The following PSD2 variants were observed in gnomAD, a reference collection of about 807,000 sequenced individuals.
PSD2 encodes the protein pleckstrin and Sec7 domain containing 2, also known as PH and SEC7 domain-containing protein 2.
A neutral mutation model predicts 69.8 loss-of-function variants in PSD2; 38 were observed. The observed-to-expected ratio is 0.54, with a 90% CI of 0.42 to 0.71. The LOEUF (loss-of-function observed/expected upper bound fraction) is 0.71, where lower values mean the gene tolerates loss of function less well. Among genes scored for constraint, PSD2 ranks in the 30% least tolerant of loss-of-function variants. The pLI, the probability that PSD2 is intolerant of heterozygous loss-of-function variation, is 0.00. For missense variants in PSD2, 943 were observed against 1,014.5 expected (o/e 0.93, Z 0.96); for synonymous variants, 412 against 423.0 (o/e 0.97, Z 0.32).
chr5:139,837,604 C>A lies in PSD2; in HGVS notation c.1666-21C>A. 1 of 1,577,282 alleles carries A rather than the reference C, an allele frequency of 6.3e-7. No homozygotes were observed. Among genetic ancestry groups the A allele is most frequent in the Non-Finnish European group, 8.7e-7 (1 of 1,153,852 alleles). On this transcript the variant is annotated intron_variant, in intron 11 of 14. Coordinates refer to ENST00000274710, the MANE Select transcript of PSD2 (RefSeq NM_032289.4). The surrounding 1 kb of genome is among the most constrained non-coding windows in gnomAD (Gnocchi z 5.0). ...AAGGTGTGGGTCAGTGACCCTAGCT[C>A]GCCCATCCTGCCCCACCCAGGATGA...
At chr5:139,808,862 C>T (rs1272454493) in intron 1 of PSD2, among the ~76,000 whole-genome samples, 4 of 152,244 alleles carry the variant, frequency 2.6e-5, no homozygotes, top group African/African-American at 7.2e-5. Context: ...TGTTGACTTC[C>T]TTGCCTCCTC....
rs60035945 is a variant in PSD2 at position 139,837,735 on chromosome 5, G to C, written c.1776G>C (p.Val592=). The part of the protein sequence containing the change: ...RASDYSKKSN[V]LKLKTADWRV... ...CTGACTACAGCAAGAAGTCCAACGT[G>C]CTGAAGCTTAAGACAGCCGACTGGA... The change falls in exon 12 of 15, where the codon GTG becomes GTC. Residue 592 remains valine, a synonymous_variant. Coordinates refer to ENST00000274710, the MANE Select transcript of PSD2 (RefSeq NM_032289.4). The surrounding 1 kb of genome is among the most constrained non-coding windows in gnomAD (Gnocchi z 5.0). 102,737 of 1,613,858 alleles carry C rather than the reference G, an allele frequency of 0.064. 3,371 individuals carry two copies. The highest frequency in any genetic ancestry group is 0.1 in the African/African-American group (7,865 of 74,996).
the PSD2 span, among the ~76,000 whole-genome samples, chr5:139,786,172 C>G: frequency 6.6e-6 from 1 of 152,176 alleles, no homozygotes; most frequent in South Asian, 2.1e-4. Context: ...ATCTCTTGAG[C>G]CCAGGAGTTT....
At chr5:139,763,474 A>T in the PSD2 span, among the ~76,000 whole-genome samples, 1 of 152,172 alleles carries the variant, frequency 6.6e-6, no homozygotes, top group Non-Finnish European at 1.5e-5. Context: ...GCCGTGTCCT[A>T]CTTCCACTCT....
the PSD2 span, among the ~76,000 whole-genome samples, chr5:139,786,081 C>A: frequency 1.3e-5 from 2 of 151,874 alleles, no homozygotes; most frequent in East Asian, 1.9e-4. Flanking sequence ...AGAGTGAGAC[C>A]CTGTCTCAAA....
intron 1 of PSD2, among the ~76,000 whole-genome samples, chr5:139,802,369 G>A (rs1289353162): frequency 6.6e-6 from 1 of 152,056 alleles, no homozygotes; most frequent in African/African-American, 2.4e-5. Flanking sequence ...CTACTCAGAG[G>A]TGGAGCTCTC....
At chr5:139,827,191 G>A (rs1247052631) in intron 7 of PSD2, among the ~76,000 whole-genome samples, 3 of 152,216 alleles carry the variant, frequency 2.0e-5, no homozygotes, top group Non-Finnish European at 2.9e-5. Flanking sequence ...ATGGGAAAAG[G>A]GTTTTGGAGA....
the PSD2 span, among the ~76,000 whole-genome samples, chr5:139,752,023 C>T: frequency 5.3e-5 from 8 of 151,978 alleles, no homozygotes; most frequent in Non-Finnish European, 1.0e-4. Flanking sequence ...GAACTCCCGA[C>T]CTCAGGTAAT....
the PSD2 span, among the ~76,000 whole-genome samples, chr5:139,774,304 T>C: frequency 3.9e-5 from 6 of 152,090 alleles, no homozygotes; most frequent in Non-Finnish European, 8.8e-5. Flanking sequence ...GTGGTGGATC[T>C]GGGATAAGGA....
At position 139,822,794 on chromosome 5, in the gene PSD2, G is replaced by A; in HGVS notation, c.1269+10G>A. 4.4e-6 allele frequency: 7 copies of A among 1,603,164 alleles called. No homozygotes were observed. Among genetic ancestry groups the A allele is most frequent in the East Asian group, 2.3e-5 (1 of 43,986 alleles). On this transcript the variant is annotated intron_variant, in intron 7 of 14. Coordinates refer to ENST00000274710, the MANE Select transcript of PSD2 (RefSeq NM_032289.4). ...GGACCTGCACGGCCACGTGAGTTGG[G>A]GAGGTGACGGGGGGTGTCGCATGTC...
chr5:139,749,107 C>A, the PSD2 span, among the ~76,000 whole-genome samples: 2 of 152,182 alleles, frequency 1.3e-5, no homozygotes, highest in African/African-American at 4.8e-5. Flanking sequence ...CAGCTGGCTT[C>A]TCTGCTTCTT....
upstream of PSD2, among the ~76,000 whole-genome samples, chr5:139,795,574 C>A (rs1159390899): frequency 2.0e-5 from 3 of 152,042 alleles, no homozygotes; most frequent in East Asian, 5.8e-4. This position sits in a 1 kb window ranked among gnomAD's most constrained non-coding sequence, Gnocchi z 4.5. Flanking sequence ...CCCTCCCCCC[C>A]TTTCTTAAAG....
chr5:139,792,837 T>C (rs555721188), upstream of PSD2, among the ~76,000 whole-genome samples: 154 of 146,478 alleles, frequency 1.1e-3, 1 homozygote, highest in Middle Eastern at 0.017. Context: ...TTCCTTCCTT[T>C]CTTTCTTTTT....
At chr5:139,757,116 TC>T in the PSD2 span, among the ~76,000 whole-genome samples, 1 of 152,182 alleles carries the variant, frequency 6.6e-6, no homozygotes, top group African/African-American at 2.4e-5. Context: ...GCGGATTCTC[TC>T]CTGGGAGGTC....
chr5:139,810,026 C>G (rs1487440185), intron 2 of PSD2, among the ~76,000 whole-genome samples: 3 of 151,832 alleles, frequency 2.0e-5, no homozygotes. Flanking sequence ...GAAAGTTGTG[C>G]CATCGTGAGC....
intron 12 of PSD2, among the ~76,000 whole-genome samples, 173 bp from the exon 13 acceptor site, chr5:139,838,455 A>G (rs1760792083): frequency 6.6e-6 from 1 of 152,138 alleles, no homozygotes; most frequent in Admixed American, 6.5e-5. Flanking sequence ...CTCCGTGCAT[A>G]GCTCTGGCCA....
At chr5:139,753,513 C>T in the PSD2 span, among the ~76,000 whole-genome samples, 2 of 152,184 alleles carry the variant, frequency 1.3e-5, no homozygotes, top group African/African-American at 2.4e-5. Context: ...GGACTTTTGT[C>T]CTAGTGGGAG....
intron 1 of PSD2, among the ~76,000 whole-genome samples, chr5:139,807,294 A>G (rs1445714806): frequency 6.6e-6 from 1 of 152,236 alleles, no homozygotes; most frequent in East Asian, 1.9e-4. Context: ...AGCAGGTCAG[A>G]GGACTGGAAC....
At chr5:139,836,560 G>T (rs1760723648) in intron 9 of PSD2, among the ~76,000 whole-genome samples, 1 of 152,234 alleles carries the variant, frequency 6.6e-6, no homozygotes, top group Non-Finnish European at 1.5e-5. Flanking sequence ...GTGATCAAGG[G>T]TGACAATTTG....
Sources: allele counts gnomAD v4.1 joint callset (sites outside exome capture counted in the v4.1 genomes callset), GRCh38; gene constraint gnomAD v4.1.1; non-coding constraint Gnocchi (gnomAD v3.1); transcripts MANE v1.5; gene names NCBI Gene and HGNC (gene_info 2026-07-23, HGNC 2026-07-21).